CYP4X1: variants seen among roughly 807,000 people sequenced by gnomAD.
CYP4X1 encodes the protein cytochrome P450 4X1.
A neutral mutation model predicts 57.9 loss-of-function variants in CYP4X1; 44 were observed. The ratio of observed to expected loss-of-function variants is 0.76; its 90% CI spans 0.60 to 0.98. CYP4X1 has a LOEUF of 0.98. CYP4X1 is among the 50% of genes least tolerant of loss of function. The pLI is 0.00. For synonymous variants in CYP4X1, 227 were observed against 228.6 expected, an observed-to-expected ratio of 0.99 and a Z score of 0.06; for missense variants, 532 against 623.9, an observed-to-expected ratio of 0.85 and a Z score of 1.57.
chr1:47,031,069 G>T, intron 2 of CYP4X1, among the ~76,000 whole-genome samples: 1 of 152,198 alleles, frequency 6.6e-6, no homozygotes, highest in East Asian at 1.9e-4. Flanking sequence ...TCAATACATG[G>T]TGTCTACTGA....
chr1:47,006,726 C>G, the CYP4X1 span, among the ~76,000 whole-genome samples: 1 of 152,218 alleles, frequency 6.6e-6, no homozygotes, highest in Non-Finnish European at 1.5e-5. Context: ...TTGGGTCACA[C>G]ACACCCTAAT....
intron 1 of CYP4X1, among the ~76,000 whole-genome samples, chr1:47,025,848 G>T (rs1285041279): frequency 6.6e-6 from 1 of 152,048 alleles, no homozygotes; most frequent in Non-Finnish European, 1.5e-5. Flanking sequence ...CTTTAAGCTT[G>T]GTATGCAGAT....
chr1:46,978,448 C>T, the CYP4X1 span, among the ~76,000 whole-genome samples: 5 of 152,110 alleles, frequency 3.3e-5, no homozygotes, highest in African/African-American at 9.7e-5. Flanking sequence ...CATATATGCA[C>T]CCAATACAGG....
At chr1:47,012,867 A>G in the CYP4X1 span, among the ~76,000 whole-genome samples, 1 of 152,246 alleles carries the variant, frequency 6.6e-6, no homozygotes, top group East Asian at 1.9e-4. Context: ...TTACAAGTCT[A>G]AGAGTCAGTT....
At position 47,042,642 on chromosome 1, in the gene CYP4X1, T is replaced by C. The variant is rs1048711133; in HGVS notation, c.1073+3110T>C. On this transcript the variant is annotated intron_variant, in intron 8 of 11. Transcript: ENST00000371901. ...ATTTCCCCCAAGTCCCCAAAGTCCA[T>C]TGTATCATTCTTATGCCTTTGCATC... Among the ~76,000 whole-genome samples, 12 of 152,230 alleles carry C rather than the reference T, an allele frequency of 7.9e-5. No homozygotes were observed. The South Asian group carries it at 1.2e-3, about 16-fold the overall frequency.
At position 47,024,007 on chromosome 1, in the gene CYP4X1, G is replaced by C. The variant is rs1259629095; in HGVS notation, c.177+13G>C. On this transcript the variant is annotated intron_variant, in intron 1 of 11. Transcript: ENST00000371901. ...TGGGCACCAGAAGGTAGATGGGAGG[G>C]AGGAGGGAGGAAGGAGGAGGGAGGG... 6.2e-7 allele frequency: 1 copy of C among 1,607,158 alleles called. No homozygotes were observed. Among genetic ancestry groups the C allele is most frequent in the Non-Finnish European group, 8.5e-7 (1 of 1,176,360 alleles).
chr1:47,044,821 ACT>A (rs938875446), intron 8 of CYP4X1, among the ~76,000 whole-genome samples: 1 of 146,484 alleles, frequency 6.8e-6, no homozygotes, highest in African/African-American at 2.5e-5. Flanking sequence ...AAGCAGAATT[ACT>A]CTTTTTTTTT....
At chr1:46,962,577 A>G in the CYP4X1 span, among the ~76,000 whole-genome samples, 3 of 152,344 alleles carry the variant, frequency 2.0e-5, no homozygotes, top group East Asian at 5.8e-4. Context: ...CGAATGGCTA[A>G]CTAGAATAAC....
At chr1:47,034,347 T>G (rs749947170) in intron 4 of CYP4X1, among the ~76,000 whole-genome samples, 5 of 152,204 alleles carry the variant, frequency 3.3e-5, no homozygotes, top group Non-Finnish European at 5.9e-5. Flanking sequence ...TGAAGAACAT[T>G]CCTGTGAGTG....
chr1:47,005,664 T>G, the CYP4X1 span, among the ~76,000 whole-genome samples: 1 of 152,242 alleles, frequency 6.6e-6, no homozygotes, highest in African/African-American at 2.4e-5. Context: ...GTGTAAGCAA[T>G]TTTCAAGTTC....
At chr1:46,994,795 G>A in the CYP4X1 span, among the ~76,000 whole-genome samples, 14 of 152,298 alleles carry the variant, frequency 9.2e-5, no homozygotes, top group East Asian at 2.7e-3. Context: ...CTATGTGCCA[G>A]GCAGTATGCC....
intron 6 of CYP4X1, among the ~76,000 whole-genome samples, chr1:47,037,899 A>T (rs575129904): frequency 3.9e-5 from 6 of 152,190 alleles, no homozygotes; most frequent in Non-Finnish European, 8.8e-5. Flanking sequence ...CAGTTGTCCC[A>T]TCACCATTAT....
rs116368479 is a variant in CYP4X1 at position 47,038,664 on chromosome 1, A to G, written c.780A>G (p.Thr260=). 688 of 1,605,744 alleles carry G rather than the reference A, an allele frequency of 4.3e-4. 1 individual carries two copies. The African/African-American group carries it at 8.6e-3, about 20-fold the overall frequency. The change falls in exon 7 of 12, where the codon ACA becomes ACG. Residue 260 remains threonine, a synonymous_variant. Coordinates refer to ENST00000371901, the MANE Select transcript of CYP4X1 (RefSeq NM_178033.2). The stretch of plus-strand genomic sequence containing the variant: ...GGAAACTATTTTTCTACCCAGATAC[A>G]ATAATCCAGGAAAGAAAGAAATCCC... ...LSRVLNQYTD[T]IIQERKKSLQ... is the part of the protein sequence containing the mutation.
chr1:46,962,508 G>A, the CYP4X1 span, among the ~76,000 whole-genome samples: 5 of 152,186 alleles, frequency 3.3e-5, no homozygotes, highest in Non-Finnish European at 2.9e-5. Flanking sequence ...GTTTTCAGTG[G>A]TAAAGAGAAC....
At chr1:47,011,055 T>G in the CYP4X1 span, among the ~76,000 whole-genome samples, 2 of 152,202 alleles carry the variant, frequency 1.3e-5, no homozygotes, top group African/African-American at 4.8e-5. Flanking sequence ...TAGAAAATAC[T>G]ACTTTAAAGT....
At chr1:47,034,994 T>C (rs896586749) in intron 4 of CYP4X1, among the ~76,000 whole-genome samples, 16 of 151,782 alleles carry the variant, frequency 1.1e-4, no homozygotes, top group Admixed American at 6.6e-4. Flanking sequence ...ACTAAACAAT[T>C]TGCACTTAGG....
chr1:47,011,090 G>A, the CYP4X1 span, among the ~76,000 whole-genome samples: 2 of 152,094 alleles, frequency 1.3e-5, no homozygotes, highest in South Asian at 4.1e-4. Flanking sequence ...AAAACAGCCC[G>A]CATTGCCAAG....
the CYP4X1 span, chr1:46,961,547 G>A: frequency 8.2e-7 from 1 of 1,217,706 alleles, no homozygotes; most frequent in South Asian, 1.5e-5. Context: ...GTGTTCTTGG[G>A]AGAGCTGCTC....
At chr1:47,046,342 T>G in intron 8 of CYP4X1, 125 bp from the exon 9 acceptor site, 1 of 1,311,252 alleles carries the variant, frequency 7.6e-7, no homozygotes, top group East Asian at 2.4e-5. Context: ...TTTAACATTC[T>G]GTTACATAAA....
Sources: gnomAD v4.1 joint callset for allele counts (sites outside exome capture counted in the v4.1 genomes callset) on GRCh38, gnomAD v4.1.1 for gene constraint, MANE v1.5 for transcripts, NCBI Gene and HGNC (gene_info 2026-07-23, HGNC 2026-07-21) for gene names.